The following KCNH5 variants were observed in gnomAD, a reference collection of about 807,000 sequenced individuals.
KCNH5 encodes voltage-gated delayed rectifier potassium channel KCNH5.
In KCNH5, 46 loss-of-function variants were observed where a neutral mutation model predicts 96.1. The ratio of observed to expected loss-of-function variants is 0.48; its 90% CI spans 0.38 to 0.61. KCNH5 has a LOEUF of 0.61. Ranked by LOEUF, KCNH5 falls within the 20% of genes least tolerant of loss-of-function variation. KCNH5 has a pLI of 0.00. For synonymous variants in KCNH5, 439 were observed against 449.8 expected (o/e 0.98, Z 0.30); for missense variants, 907 against 1,225.8 (o/e 0.74, Z 3.88).
chr14:62,824,729 G>A (rs1158011523), intron 8 of KCNH5, among the ~76,000 whole-genome samples: 1 of 152,038 alleles, frequency 6.6e-6, no homozygotes, highest in Non-Finnish European at 1.5e-5. Flanking sequence ...CAGGTACTGA[G>A]CACACTATCC....
In KCNH5 at chr14:62,718,184, T is replaced by C. The variant is rs10083427; in HGVS notation, c.2020-9729A>G. ...TTGTGTGGTTTTTCACTACCCAATATTGGGTACTCTGTTCACTATTTGGGT... is the reference window on the plus strand; with the variant it reads ...TTGTGTGGTTTTTCACTACCCAATACTGGGTACTCTGTTCACTATTTGGGT... On this transcript the variant is annotated intron_variant, in intron 10 of 10. Transcript: ENST00000322893. Among the ~76,000 whole-genome samples the C allele has an allele frequency of 3.0e-3, 452 of 152,230 alleles. 1 individual carries two copies. Among genetic ancestry groups the C allele is most frequent in the African/African-American group, 0.01 (421 of 41,540 alleles).
At chr14:62,962,064 A>G (rs1339261040) in intron 6 of KCNH5, among the ~76,000 whole-genome samples, 1 of 151,042 alleles carries the variant, frequency 6.6e-6, no homozygotes, top group Non-Finnish European at 1.5e-5. Context: ...GAGAGAAGAT[A>G]GAGATGGAAA....
At chr14:62,774,740 G>A (rs1041787403) in intron 10 of KCNH5, among the ~76,000 whole-genome samples, 1 of 152,014 alleles carries the variant, frequency 6.6e-6, no homozygotes, top group African/African-American at 2.4e-5. Context: ...ACTTTCCTCT[G>A]CTTCTCTCTC....
At chr14:62,864,931 T>C (rs1231745661) in intron 7 of KCNH5, among the ~76,000 whole-genome samples, 2 of 152,184 alleles carry the variant, frequency 1.3e-5, no homozygotes, top group East Asian at 3.8e-4. Context: ...CATGAGAGGC[T>C]GTTGCCACAA....
At chr14:62,754,888 G>GTAAAATAAAATAAAATAAAATAAAA (rs567937783) in intron 10 of KCNH5, among the ~76,000 whole-genome samples, 2 of 133,910 alleles carry the variant, frequency 1.5e-5, no homozygotes, top group African/African-American at 5.0e-5. Flanking sequence ...ATAAAATAAA[G>GTAAAATAAAATAAAATAAAATAAAA]TAAAATAAAA....
intron 10 of KCNH5, among the ~76,000 whole-genome samples, chr14:62,715,209 GA>G (rs941981549): frequency 6.6e-6 from 1 of 151,522 alleles, no homozygotes; most frequent in Non-Finnish European, 1.5e-5. Flanking sequence ...ATAAAGGCAA[GA>G]AAAAAAAGGT....
At chr14:63,043,714 G>T (rs1361727285) in intron 1 of KCNH5, among the ~76,000 whole-genome samples, 2 of 152,188 alleles carry the variant, frequency 1.3e-5, no homozygotes, top group African/African-American at 2.4e-5. Context: ...TAACAAGTCA[G>T]ATATTTGGGG....
At chr14:62,911,864 G>A (rs931029569) in intron 7 of KCNH5, among the ~76,000 whole-genome samples, 11 of 151,408 alleles carry the variant, frequency 7.3e-5, no homozygotes, top group South Asian at 2.1e-4. Context: ...GTAACACCCC[G>A]TCTCTACTAA....
In KCNH5 at chr14:62,910,298, T is replaced by G. The variant is rs1394158677; in HGVS notation, c.1369+39835A>C. Reference sequence around the variant, plus strand: ...TGCTTATTATGAAATTGGAAGCATTTCATTAAAATTAGAGAAAGGAAAACA... The same window carrying G: ...TGCTTATTATGAAATTGGAAGCATTGCATTAAAATTAGAGAAAGGAAAACA... On this transcript the variant is annotated intron_variant, in intron 7 of 10. Coordinates refer to ENST00000322893, the MANE Select transcript of KCNH5 (RefSeq NM_139318.5). 2.0e-5 allele frequency among the ~76,000 whole-genome samples: 3 copies of G among 152,198 alleles called. No individual in the cohort carries two copies. In the East Asian group the frequency reaches 5.8e-4, roughly 29 times the overall value.
chr14:62,839,174 TAC>T (rs1388229427), intron 8 of KCNH5, among the ~76,000 whole-genome samples: 2 of 152,184 alleles, frequency 1.3e-5, no homozygotes, highest in Non-Finnish European at 2.9e-5. Context: ...TACAAAATCA[TAC>T]AGATAAATGT....
intron 3 of KCNH5, among the ~76,000 whole-genome samples, chr14:63,003,513 ATTTTATATATT>A (rs1891056320): frequency 9.0e-6 from 1 of 110,536 alleles, no homozygotes; most frequent in Non-Finnish European, 1.8e-5. Flanking sequence ...TTTTATATAT[ATTTTATATATT>A]TTATATATAT....
intron 7 of KCNH5, among the ~76,000 whole-genome samples, chr14:62,872,202 C>T (rs1280651324): frequency 6.6e-6 from 1 of 152,126 alleles, no homozygotes; most frequent in East Asian, 1.9e-4. Context: ...ACAGATAACA[C>T]AGAGATGAAA....
At chr14:62,746,517 C>T (rs1885378276) in intron 10 of KCNH5, among the ~76,000 whole-genome samples, 1 of 152,210 alleles carries the variant, frequency 6.6e-6, no homozygotes, top group Non-Finnish European at 1.5e-5. Context: ...GCACAGGTGC[C>T]AATCAGGGGG....
chr14:62,854,761 A>G lies in KCNH5; in HGVS notation c.1370-4909T>C, dbSNP rs373475242. ...CTAATCATACTTAAGGTCTTAGTAA[A>G]TCTGGCATACATACCAGCAAATGCC... is the stretch of plus-strand genomic sequence containing the variant. On this transcript the variant is annotated intron_variant, in intron 7 of 10. Coordinates refer to ENST00000322893, the MANE Select transcript of KCNH5 (RefSeq NM_139318.5). Among the ~76,000 whole-genome samples, 5 of 151,940 alleles carry G rather than the reference A, an allele frequency of 3.3e-5. No homozygotes were observed. In the South Asian group the frequency reaches 1.0e-3, roughly 32 times the overall value.
chr14:62,749,959 T>C (rs1055569886), intron 10 of KCNH5, among the ~76,000 whole-genome samples: 1 of 152,182 alleles, frequency 6.6e-6, no homozygotes, highest in East Asian at 1.9e-4. Flanking sequence ...TTAGGAATTA[T>C]TTCCTTTAGT....
chr14:62,761,662 C>T (rs1042714742), intron 10 of KCNH5, among the ~76,000 whole-genome samples: 1 of 152,016 alleles, frequency 6.6e-6, no homozygotes, highest in African/African-American at 2.4e-5. Context: ...AACTTAATAT[C>T]GCACATCATT....
rs886825465 is a variant in KCNH5, at chr14:63,006,289, T to C, written c.304+77A>G. The C allele has an allele frequency of 7.0e-6, 6 of 855,466 alleles. No homozygotes were observed. The African/African-American group carries it at 8.3e-5, about 12-fold the overall frequency. The allele number at this position is 855,466 out of a possible 1,614,324, so 53.0% of individuals were successfully genotyped here. The stretch of plus-strand genomic sequence containing the variant: ...ACAGAAGGTTTACATGCTCTCTACA[T>C]TTTAGCTCCACTACGACTTACCAAA... On this transcript the variant is annotated intron_variant, in intron 3 of 10. Transcript: ENST00000322893.
At chr14:63,040,233 A>T (rs1454026558) in intron 1 of KCNH5, among the ~76,000 whole-genome samples, 3 of 152,172 alleles carry the variant, frequency 2.0e-5, no homozygotes, top group African/African-American at 7.2e-5. Flanking sequence ...TAAGTCAGTT[A>T]CAAGGTGCCT....
chr14:63,036,268 G>A (rs887120569), intron 1 of KCNH5, among the ~76,000 whole-genome samples: 4 of 152,172 alleles, frequency 2.6e-5, no homozygotes, highest in Non-Finnish European at 4.4e-5. Flanking sequence ...GGCTGTATAT[G>A]ATGTCAGTTA....
Sources: allele counts gnomAD v4.1 joint callset (sites outside exome capture counted in the v4.1 genomes callset), GRCh38; gene constraint gnomAD v4.1.1; transcripts MANE v1.5; gene names NCBI Gene and HGNC (gene_info 2026-07-23, HGNC 2026-07-21).